The following LOXL2 variants were observed in gnomAD, a reference collection of about 807,000 sequenced individuals.
The protein encoded by LOXL2 is lysyl oxidase like 2.
A neutral mutation model predicts 93.0 loss-of-function variants in LOXL2; 70 were observed. The observed-to-expected ratio is 0.75, with a 90% confidence interval of 0.62 to 0.92. The LOEUF is 0.92. Ranked by LOEUF, LOXL2 falls within the 40% of genes least tolerant of loss-of-function variation. LOXL2 has a pLI of 0.00. For synonymous variants in LOXL2, 438 were observed against 413.2 expected, an observed-to-expected ratio of 1.06 and a Z score of -0.73; for missense variants, 973 against 1,054.9, an observed-to-expected ratio of 0.92 and a Z score of 1.08.
At chr8:23,309,992 A>G in intron 9 of LOXL2, 81 bp from the exon 10 acceptor site, 1 of 1,372,868 alleles carries the variant, frequency 7.3e-7, no homozygotes, top group Non-Finnish European at 9.5e-7. Context: ...GCTGGGACAA[A>G]CCCCCTCTCC....
chr8:23,399,175 T>A (rs757915824), intron 1 of LOXL2, among the ~76,000 whole-genome samples: 31 of 152,222 alleles, frequency 2.0e-4, no homozygotes, highest in Non-Finnish European at 3.7e-4. Context: ...GGCCACTTCA[T>A]CTGAGGCCTC....
intron 2 of LOXL2, among the ~76,000 whole-genome samples, chr8:23,361,623 A>G (rs934432803): frequency 7.2e-5 from 11 of 152,172 alleles, no homozygotes; most frequent in African/African-American, 2.7e-4. Context: ...CAGGTGGATC[A>G]CAAGATCAGG....
At chr8:23,374,449 C>A (rs77856898) in intron 1 of LOXL2, among the ~76,000 whole-genome samples, 45,181 of 151,990 alleles carry the variant, frequency 0.3, 6,961 homozygotes, top group East Asian at 0.43. Flanking sequence ...ATTTATAATC[C>A]TTTGGGTATA....
chr8:23,353,096 A>T (rs1455001131), intron 3 of LOXL2, among the ~76,000 whole-genome samples: 1 of 152,210 alleles, frequency 6.6e-6, no homozygotes, highest in Non-Finnish European at 1.5e-5. Flanking sequence ...CTAACGACAC[A>T]CAGCCCAGCC....
intron 9 of LOXL2, among the ~76,000 whole-genome samples, chr8:23,313,559 T>C (rs925668945): frequency 1.2e-4 from 19 of 152,162 alleles, no homozygotes; most frequent in Admixed American, 6.5e-4. Flanking sequence ...GGATTCCCTA[T>C]TTAATAAATG....
At chr8:23,343,274 CAA>C (rs1198358539) in intron 3 of LOXL2, among the ~76,000 whole-genome samples, 1 of 152,224 alleles carries the variant, frequency 6.6e-6, no homozygotes, top group Non-Finnish European at 1.5e-5. Flanking sequence ...AGCCCTATGT[CAA>C]GTGTCTTCCT....
chr8:23,400,507 C>T (rs1206722681), intron 1 of LOXL2, among the ~76,000 whole-genome samples: 1 of 152,182 alleles, frequency 6.6e-6, no homozygotes, highest in East Asian at 1.9e-4. Context: ...CTACAATTCA[C>T]AATGAGATTT....
intron 1 of LOXL2, among the ~76,000 whole-genome samples, chr8:23,384,166 A>T (rs558190292): frequency 2.6e-5 from 4 of 152,306 alleles, no homozygotes; most frequent in South Asian, 2.1e-4. Context: ...GGGATCAGAA[A>T]ATCTCACCCT....
At chr8:23,360,656 C>CT (rs1804274401) in intron 2 of LOXL2, among the ~76,000 whole-genome samples, 1 of 152,136 alleles carries the variant, frequency 6.6e-6, no homozygotes, top group Non-Finnish European at 1.5e-5. Context: ...AACAATGACA[C>CT]TTCAGCTGCA....
intron 1 of LOXL2, among the ~76,000 whole-genome samples, chr8:23,391,532 C>T (rs1306474894): frequency 6.6e-6 from 1 of 152,134 alleles, no homozygotes; most frequent in Non-Finnish European, 1.5e-5. Flanking sequence ...TCCCCCACTA[C>T]ACACACACTC....
chr8:23,322,023 A>G lies in LOXL2; in HGVS notation c.1302+107T>C. 3 of 1,197,498 alleles carry G rather than the reference A, an allele frequency of 2.5e-6. No individual in the cohort carries two copies. In the South Asian group the frequency reaches 4.2e-5, roughly 17 times the overall value. The allele number at this position is 1,197,498 out of a possible 1,614,324, so 74.2% of individuals were successfully genotyped here. ...AATGCCAAGTGGCAATGTCTGCAGC[A>G]GTACTAGCAGCAGCACCTGGTCACT... On this transcript the variant is annotated intron_variant, in intron 7 of 13. Transcript: ENST00000389131.
At position 23,404,040 on chromosome 8, in the gene LOXL2, C is replaced by A; in HGVS notation, c.-170G>T. 1 of 195,324 alleles carries A rather than the reference C, an allele frequency of 5.1e-6. No homozygotes were observed. The allele number at this position is 195,324 out of a possible 1,614,324, so 12.1% of individuals were successfully genotyped here. ...GCTTCCGCCGCCGCTGAGCCCCTTT[C>A]TCGAGCAGAGGGGGCGGCTCTGGTC... On this transcript the variant is annotated 5_prime_UTR_variant, in exon 1 of 14. Transcript: ENST00000389131.
chr8:23,357,262 A>C (rs977907454), intron 3 of LOXL2, among the ~76,000 whole-genome samples: 27 of 151,888 alleles, frequency 1.8e-4, no homozygotes, highest in Non-Finnish European at 1.5e-5. Flanking sequence ...TAGAGATGAG[A>C]TTTCACCATC....
chr8:23,381,382 T>G (rs1585380042), intron 1 of LOXL2, among the ~76,000 whole-genome samples: 1 of 152,152 alleles, frequency 6.6e-6, no homozygotes, highest in South Asian at 2.1e-4. Flanking sequence ...AAATCAACAC[T>G]TTTGCAAAAC....
chr8:23,353,920 C>G (rs917188553), intron 3 of LOXL2, among the ~76,000 whole-genome samples: 5 of 152,182 alleles, frequency 3.3e-5, no homozygotes, highest in African/African-American at 1.2e-4. Flanking sequence ...GGTTAGGGTA[C>G]AAACCTTGGT....
At chr8:23,365,500 C>T (rs1346811513) in intron 2 of LOXL2, 2 of 148,720 alleles carry the variant, frequency 1.3e-5, no homozygotes, top group African/African-American at 2.5e-5. Flanking sequence ...CTCGTAAAGC[C>T]GTGAACACAA....
intron 3 of LOXL2, among the ~76,000 whole-genome samples, chr8:23,343,854 C>T (rs1437640969): frequency 1.3e-5 from 2 of 152,166 alleles, no homozygotes; most frequent in East Asian, 1.9e-4. Context: ...GCCCACAAGC[C>T]GGCCCTCTTC....
chr8:23,375,329 T>A (rs1477193146), intron 1 of LOXL2, among the ~76,000 whole-genome samples: 1 of 152,202 alleles, frequency 6.6e-6, no homozygotes, highest in Non-Finnish European at 1.5e-5. Context: ...ACCAGTACCA[T>A]GCTGTTTTGG....
intron 9 of LOXL2, 57 bp from the exon 10 acceptor site, chr8:23,309,968 C>T: frequency 7.1e-7 from 1 of 1,402,178 alleles, no homozygotes; most frequent in Non-Finnish European, 9.3e-7. Context: ...AGGGCTTCTA[C>T]TTCTGATTCT....
Sources: allele counts gnomAD v4.1 joint callset (sites outside exome capture counted in the v4.1 genomes callset), GRCh38; gene constraint gnomAD v4.1.1; transcripts MANE v1.5; gene names NCBI Gene and HGNC (gene_info 2026-07-23, HGNC 2026-07-21).